Variants in RHAG observed in about 807,000 individuals in gnomAD.
The protein encoded by RHAG is Rh associated glycoprotein.
RHAG carries 25 observed loss-of-function variants against 42.4 expected under a neutral mutation model. The ratio of observed to expected loss-of-function variants is 0.59; its 90% confidence interval spans 0.43 to 0.82. The LOEUF is 0.82. Ranked by LOEUF, RHAG falls within the 40% of genes least tolerant of loss-of-function variation. The pLI is 0.00. For missense variants in RHAG, 483 were observed against 504.6 expected (o/e 0.96, Z 0.41); for synonymous variants, 182 against 177.7 (o/e 1.02, Z -0.19).
intron 3 of RHAG, among the ~76,000 whole-genome samples, chr6:49,616,029 T>A (rs545805986): frequency 6.6e-6 from 1 of 152,280 alleles, no homozygotes; most frequent in East Asian, 1.9e-4. Flanking sequence ...TTATTAAACA[T>A]CTCTGATCTA....
chr6:49,616,640 T>A (rs2127352703), intron 3 of RHAG, among the ~76,000 whole-genome samples: 1 of 152,288 alleles, frequency 6.6e-6, no homozygotes. Flanking sequence ...AGGGTCAAAT[T>A]GTACTTATAG....
At chr6:49,635,010 G>T (rs1581954981) in intron 1 of RHAG, among the ~76,000 whole-genome samples, 1 of 147,920 alleles carries the variant, frequency 6.8e-6, no homozygotes, top group Non-Finnish European at 1.5e-5. Flanking sequence ...CGGGGGGGTG[G>T]GGCGAGGGGT....
chr6:49,624,520 G>A (rs7760223), intron 1 of RHAG, among the ~76,000 whole-genome samples: 42,231 of 152,156 alleles, frequency 0.28, 6,544 homozygotes, highest in East Asian at 0.39. Flanking sequence ...CACATTTAGA[G>A]AGGCATCACA....
At chr6:49,622,053 C>T (rs1762767004) in intron 1 of RHAG, among the ~76,000 whole-genome samples, 1 of 150,878 alleles carries the variant, frequency 6.6e-6, no homozygotes, top group Non-Finnish European at 1.5e-5. Context: ...GTGCAGTTAC[C>T]AAATGATATG....
chr6:49,608,304 G>A (rs1213838176), intron 7 of RHAG, among the ~76,000 whole-genome samples: 2 of 152,122 alleles, frequency 1.3e-5, no homozygotes, highest in African/African-American at 4.8e-5. Flanking sequence ...CATCTCCTCT[G>A]AACATGCTTA....
intron 1 of RHAG, among the ~76,000 whole-genome samples, chr6:49,620,177 G>A (rs1196523455): frequency 6.6e-6 from 1 of 152,166 alleles, no homozygotes; most frequent in African/African-American, 2.4e-5. Flanking sequence ...ATGACTGTGT[G>A]ACCCTGGGCA....
At chr6:49,613,254 G>A (rs1447825113) in intron 5 of RHAG, among the ~76,000 whole-genome samples, 3 of 152,034 alleles carry the variant, frequency 2.0e-5, no homozygotes, top group Non-Finnish European at 4.4e-5. Flanking sequence ...ATTTTTAGTA[G>A]AGATGGGGTT....
intron 1 of RHAG, among the ~76,000 whole-genome samples, chr6:49,621,197 G>A (rs1762752629): frequency 6.6e-6 from 1 of 152,156 alleles, no homozygotes; most frequent in Non-Finnish European, 1.5e-5. Context: ...ATGCTGAGAT[G>A]CGCTGCCCAG....
chr6:49,615,136 G>C (rs1257184464), intron 4 of RHAG: 3 of 355,850 alleles, frequency 8.4e-6, no homozygotes, highest in South Asian at 8.3e-5. Context: ...ATTTTTAGTA[G>C]AGACGGGGTT....
At chr6:49,628,911 T>C (rs1229589015) in intron 1 of RHAG, among the ~76,000 whole-genome samples, 3 of 152,098 alleles carry the variant, frequency 2.0e-5, no homozygotes, top group African/African-American at 7.2e-5. Context: ...AGCTTCCACA[T>C]TGTGGAAGGG....
At chr6:49,625,339 C>T (rs1762828753) in intron 1 of RHAG, among the ~76,000 whole-genome samples, 1 of 152,176 alleles carries the variant, frequency 6.6e-6, no homozygotes, top group African/African-American at 2.4e-5. Flanking sequence ...ATTTACCAAA[C>T]ATTTGACCTT....
chr6:49,608,204 T>C (rs1762506681), intron 7 of RHAG, among the ~76,000 whole-genome samples: 1 of 152,192 alleles, frequency 6.6e-6, no homozygotes, highest in Non-Finnish European at 1.5e-5. Context: ...GATCCGTTTA[T>C]GTGAGTCAGT....
chr6:49,608,520 G>A (rs571862598), intron 7 of RHAG, among the ~76,000 whole-genome samples: 3 of 152,190 alleles, frequency 2.0e-5, no homozygotes, highest in African/African-American at 4.8e-5. Flanking sequence ...TGGGATTATA[G>A]GCACCCACCA....
intron 4 of RHAG, 158 bp from the exon 5 acceptor site, chr6:49,615,011 G>C: frequency 1.5e-6 from 1 of 679,906 alleles, no homozygotes; most frequent in Non-Finnish European, 2.5e-6. Context: ...GCAGTGGCTT[G>C]ATCTCTGCTA....
chr6:49,614,188 T>C (rs1036941428), intron 5 of RHAG, among the ~76,000 whole-genome samples: 2 of 151,700 alleles, frequency 1.3e-5, no homozygotes, highest in East Asian at 3.9e-4. Context: ...AAAATTTTTT[T>C]TTTCTTTTTT....
chr6:49,613,653 T>C (rs1312985712), intron 5 of RHAG, among the ~76,000 whole-genome samples: 7 of 152,156 alleles, frequency 4.6e-5, no homozygotes, highest in South Asian at 2.1e-4. Flanking sequence ...GGGTTACTCC[T>C]TTACTGGTGT....
chr6:49,616,212 G>A (rs74755532), intron 3 of RHAG, among the ~76,000 whole-genome samples: 7,551 of 152,128 alleles, frequency 0.05, 274 homozygotes, highest in South Asian at 0.11. Flanking sequence ...AGCCTGGCCT[G>A]GTGGTGCACG....
chr6:49,607,252 T>C (rs1183700441), intron 7 of RHAG, 32 bp from the exon 8 acceptor site: 1 of 1,579,114 alleles, frequency 6.3e-7, no homozygotes, highest in South Asian at 1.1e-5. Context: ...AATCAGTGTC[T>C]TTCCTGGATC....
At chr6:49,619,120 G>T (rs1762707350) in intron 2 of RHAG, 59 bp downstream of exon 2, 2 of 1,568,456 alleles carry the variant, frequency 1.3e-6, no homozygotes, top group Non-Finnish European at 1.8e-6. Context: ...TGGAGGTTAA[G>T]AGTGTAATAT....
Sources: allele counts gnomAD v4.1 joint callset (sites outside exome capture counted in the v4.1 genomes callset), GRCh38; gene constraint gnomAD v4.1.1; transcripts MANE v1.5; gene names NCBI Gene and HGNC (gene_info 2026-07-23, HGNC 2026-07-21).